SLCO4C1: variants seen among roughly 807,000 people sequenced by gnomAD.
The protein encoded by SLCO4C1 is organic anion transporter M1.
In SLCO4C1, 58 loss-of-function variants were observed where a neutral mutation model predicts 72.1. The observed-to-expected ratio is 0.80, with a 90% confidence interval of 0.65 to 1.00. SLCO4C1 has a LOEUF of 1.00. Ranked by LOEUF, SLCO4C1 falls within the 50% of genes least tolerant of loss-of-function variation. The pLI, the probability that SLCO4C1 is intolerant of heterozygous loss-of-function variation, is 0.00. For synonymous variants in SLCO4C1, 297 were observed against 312.5 expected (o/e 0.95, Z 0.52); for missense variants, 898 against 857.9 (o/e 1.05, Z -0.58).
At chr5:102,238,496 C>T (rs986814608) in intron 12 of SLCO4C1, among the ~76,000 whole-genome samples, 2 of 152,078 alleles carry the variant, frequency 1.3e-5, no homozygotes, top group African/African-American at 4.8e-5. Flanking sequence ...ACTCAGAAAG[C>T]ATACTCTGGA....
chr5:102,270,912 T>A, intron 2 of SLCO4C1, 106 bp from the exon 3 acceptor site: 2 of 881,716 alleles, frequency 2.3e-6, no homozygotes, highest in South Asian at 4.5e-5. Flanking sequence ...ATTTATTTCT[T>A]CCAATCATTT....
chr5:102,275,515 G>A (rs1264081016), intron 2 of SLCO4C1, among the ~76,000 whole-genome samples: 1 of 152,176 alleles, frequency 6.6e-6, no homozygotes, highest in East Asian at 1.9e-4. Flanking sequence ...TGGAGGCCAG[G>A]AAACTATGAC....
At chr5:102,264,080 G>A (rs1011460426) in intron 3 of SLCO4C1, among the ~76,000 whole-genome samples, 5 of 152,036 alleles carry the variant, frequency 3.3e-5, no homozygotes, top group African/African-American at 1.2e-4. Flanking sequence ...ATCCTTTACT[G>A]ATAGTGATCA....
chr5:102,283,703 T>C (rs1027787655), intron 2 of SLCO4C1, among the ~76,000 whole-genome samples: 3 of 151,960 alleles, frequency 2.0e-5, no homozygotes, highest in African/African-American at 7.2e-5. Context: ...TCATTTTATA[T>C]ATTAAGATTT....
intron 8 of SLCO4C1, among the ~76,000 whole-genome samples, chr5:102,251,025 T>A (rs537250231): frequency 1.3e-5 from 2 of 151,700 alleles, no homozygotes; most frequent in South Asian, 4.2e-4. Context: ...TGAGTACAAG[T>A]AAGCCAGTCA....
At chr5:102,280,090 CAAAAAAAAAAAA>C (rs36217271) in intron 2 of SLCO4C1, among the ~76,000 whole-genome samples, 22 of 68,854 alleles carry the variant, frequency 3.2e-4, no homozygotes, top group Admixed American at 1.2e-3. Context: ...TGCAATAAGG[CAAAAAAAAAAAA>C]AAAAAAAAAA....
Position 102,295,888 on chromosome 5 carries a change from A to C in SLCO4C1, c.355+20T>G. 2.5e-6 allele frequency: 4 copies of C among 1,595,806 alleles called. No individual in the cohort carries two copies. The highest frequency in any genetic ancestry group is 3.4e-6 in the Non-Finnish European group (4 of 1,168,054). ...CTCGCTCTCCACTGGCCCGAGCCTC[A>C]AGCGGGCGCTGGACTTTACCTTGCG... is the stretch of plus-strand genomic sequence containing the variant. On this transcript the variant is annotated intron_variant, in intron 1 of 12. Coordinates refer to ENST00000310954, the MANE Select transcript of SLCO4C1 (RefSeq NM_180991.5).
chr5:102,260,369 T>TAC, intron 5 of SLCO4C1, 50 bp from the exon 6 acceptor site: 1 of 16,508 alleles, frequency 6.1e-5, no homozygotes, highest in Non-Finnish European at 1.0e-4. Context: ...ATACATATAA[T>TAC]ATATTATATG....
chr5:102,254,982 T>G (rs1748808166), intron 8 of SLCO4C1, among the ~76,000 whole-genome samples: 3 of 152,026 alleles, frequency 2.0e-5, no homozygotes, highest in South Asian at 2.1e-4. Flanking sequence ...TAATACTCAG[T>G]GTATAGAAGC....
intron 2 of SLCO4C1, among the ~76,000 whole-genome samples, chr5:102,273,969 C>A (rs1400334410): frequency 6.6e-6 from 1 of 151,716 alleles, no homozygotes; most frequent in Non-Finnish European, 1.5e-5. Context: ...AACCACAGAT[C>A]AAAAATATTC....
At chr5:102,271,806 A>T (rs967572764) in intron 2 of SLCO4C1, among the ~76,000 whole-genome samples, 50 of 152,228 alleles carry the variant, frequency 3.3e-4, no homozygotes, top group Non-Finnish European at 5.7e-4. Flanking sequence ...TAGCATTTTT[A>T]CTACTTTATT....
rs772832417 is a variant in SLCO4C1, at chr5:102,291,485, A to T, written c.477T>A (p.Ser159=). 1.2e-6 allele frequency: 2 copies of T among 1,614,196 alleles called. No homozygotes were observed. The highest frequency in any genetic ancestry group is 3.3e-5 in the Admixed American group (2 of 60,024). ...SSYDISFCLL[S]LFVSFFGERG... ...TTTCACCAAAGAATGATACAAATAA[A>T]GACAACAAACAGAATGAAATATCGT... Residue 159 remains serine (S), a synonymous_variant, in exon 2 of 13, where the codon TCT becomes TCA. Coordinates refer to ENST00000310954, the MANE Select transcript of SLCO4C1 (RefSeq NM_180991.5).
chr5:102,234,274 C>T lies in SLCO4C1; in HGVS notation c.*2584G>A, dbSNP rs1748394683. ...ACAATCATAAATTACAAAAAACGCACTATGAATAATTTTGTTCTAGAAGTA... is the reference window on the plus strand; with the variant it reads ...ACAATCATAAATTACAAAAAACGCATTATGAATAATTTTGTTCTAGAAGTA... On this transcript the variant is annotated 3_prime_UTR_variant, in exon 13 of 13. Coordinates refer to ENST00000310954, the MANE Select transcript of SLCO4C1 (RefSeq NM_180991.5). The T allele has an allele frequency of 6.6e-6, 1 of 152,528 alleles. No individual in the cohort carries two copies. Among genetic ancestry groups the T allele is most frequent in the African/African-American group, 2.4e-5 (1 of 41,432 alleles). The allele number at this position is 152,528 out of a possible 1,614,324, so 9.4% of individuals were successfully genotyped here.
At chr5:102,249,049 T>G (rs777918606) in intron 9 of SLCO4C1, among the ~76,000 whole-genome samples, 2 of 152,196 alleles carry the variant, frequency 1.3e-5, no homozygotes, top group Non-Finnish European at 2.9e-5. Flanking sequence ...AAACAAATAC[T>G]AAGTTTCTAT....
intron 10 of SLCO4C1, among the ~76,000 whole-genome samples, chr5:102,244,082 G>A (rs906026385): frequency 1.3e-5 from 2 of 152,268 alleles, no homozygotes; most frequent in South Asian, 2.1e-4. Context: ...AGCTACTCGG[G>A]AGGCTGAGGC....
At chr5:102,256,830 C>T (rs907657628) in intron 8 of SLCO4C1, among the ~76,000 whole-genome samples, 3 of 152,232 alleles carry the variant, frequency 2.0e-5, no homozygotes, top group East Asian at 3.9e-4. Flanking sequence ...GGATGTGAAT[C>T]GCTTAGAGGC....
At chr5:102,266,707 G>A (rs1044496295) in intron 3 of SLCO4C1, among the ~76,000 whole-genome samples, 1 of 152,102 alleles carries the variant, frequency 6.6e-6, no homozygotes, top group African/African-American at 2.4e-5. Flanking sequence ...TTGTGCTTCA[G>A]TTCTTAGAGG....
intron 2 of SLCO4C1, among the ~76,000 whole-genome samples, chr5:102,288,847 T>C (rs1749501947): frequency 6.6e-6 from 1 of 152,204 alleles, no homozygotes; most frequent in Non-Finnish European, 1.5e-5. Flanking sequence ...CAGTATTACT[T>C]CATTCTATTT....
chr5:102,291,152 T>C (rs976738492), intron 2 of SLCO4C1, among the ~76,000 whole-genome samples, 191 bp downstream of exon 2: 10 of 152,178 alleles, frequency 6.6e-5, no homozygotes, highest in African/African-American at 2.4e-4. Flanking sequence ...GGAGAACCAC[T>C]GAAACGATGA....
Sources: gnomAD v4.1 joint callset for allele counts (sites outside exome capture counted in the v4.1 genomes callset) on GRCh38, gnomAD v4.1.1 for gene constraint, MANE v1.5 for transcripts, NCBI Gene and HGNC (gene_info 2026-07-23, HGNC 2026-07-21) for gene names.